Variants in DGKB observed in about 807,000 individuals in gnomAD.
DGKB encodes diacylglycerol kinase beta, also known as 90 kDa diacylglycerol kinase.
DGKB carries 67 observed loss-of-function variants against 114.3 expected under a neutral mutation model. The ratio of observed to expected loss-of-function variants is 0.59; its 90% CI spans 0.48 to 0.72. The LOEUF is 0.72. Ranked by LOEUF, DGKB falls within the 30% of genes least tolerant of loss-of-function variation. The pLI is 0.00. For missense variants in DGKB, 907 were observed against 975.2 expected, an observed-to-expected ratio of 0.93 and a Z score of 0.93; for synonymous variants, 398 against 323.1, an observed-to-expected ratio of 1.23 and a Z score of -2.49.
rs373514223 is a variant in DGKB, at chr7:14,689,740, T to C, written c.711+4335A>G. Among the ~76,000 whole-genome samples the C allele has an allele frequency of 9.8e-5, 15 of 152,324 alleles. No homozygotes were observed. The East Asian group carries it at 2.9e-3, about 29-fold the overall frequency. ...ACTGCTTTCTACATTGAGCAAAGTA[T>C]AGACAGCAGAACAAAAACTCTTAAC... On this transcript the variant is annotated intron_variant, in intron 9 of 25. Coordinates refer to ENST00000402815, the MANE Select transcript of DGKB (RefSeq NM_001350709.2).
At chr7:14,661,335 A>G (rs896354587) in intron 13 of DGKB, among the ~76,000 whole-genome samples, 1 of 146,872 alleles carries the variant, frequency 6.8e-6, no homozygotes, top group Non-Finnish European at 1.5e-5. Flanking sequence ...CAGAATCTAC[A>G]ATGAACTCAA....
At chr7:14,529,363 G>A (rs1213846702) in intron 20 of DGKB, among the ~76,000 whole-genome samples, 1 of 151,770 alleles carries the variant, frequency 6.6e-6, no homozygotes, top group Non-Finnish European at 1.5e-5. Flanking sequence ...GTTGAGCAGT[G>A]ATGCTAAAAA....
intron 21 of DGKB, among the ~76,000 whole-genome samples, chr7:14,460,067 C>G (rs1176662216): frequency 6.6e-6 from 1 of 152,082 alleles, no homozygotes; most frequent in Admixed American, 6.6e-5. Flanking sequence ...TTGTCACCAC[C>G]AGGCCTGCCT....
chr7:14,573,586 A>C (rs1448086569), intron 20 of DGKB, among the ~76,000 whole-genome samples: 1 of 152,020 alleles, frequency 6.6e-6, no homozygotes, highest in Non-Finnish European at 1.5e-5. Flanking sequence ...CTATATTTTT[A>C]GATTTCATAA....
intron 13 of DGKB, among the ~76,000 whole-genome samples, chr7:14,672,305 G>T (rs1269482132): frequency 6.6e-6 from 1 of 151,854 alleles, no homozygotes; most frequent in Non-Finnish European, 1.5e-5. Context: ...AAGTAATTTG[G>T]GTTTTGAATA....
intron 21 of DGKB, among the ~76,000 whole-genome samples, chr7:14,434,650 G>T (rs1444447793): frequency 6.6e-6 from 1 of 152,082 alleles, no homozygotes; most frequent in Non-Finnish European, 1.5e-5. Context: ...AGAACCATAA[G>T]ATAATACATT....
intron 2 of DGKB, among the ~76,000 whole-genome samples, chr7:14,771,574 CT>C (rs1341432985): frequency 6.6e-6 from 1 of 151,932 alleles, no homozygotes; most frequent in African/African-American, 2.4e-5. Context: ...TCTATGGGGT[CT>C]AGGGAATTGG....
intron 23 of DGKB, among the ~76,000 whole-genome samples, chr7:14,314,562 G>C (rs4421268): frequency 0.87 from 132,711 of 151,786 alleles, 58,365 homozygotes; most frequent in African/African-American, 0.97. Flanking sequence ...TGAAATGAAG[G>C]GAGAAGGAAA....
In DGKB at chr7:14,178,126, C is replaced by G; in HGVS notation, c.2148G>C (p.Val716=). ...SQDLSDQLLE[V]VGLEGAMEMG... is the part of the protein sequence containing the mutation. Reference sequence around the variant, plus strand: ...TCTCCATGGCTCCTTCCAAGCCGACCACCTCCAGCAGCTGGTCACTGAGAT... The same window carrying G: ...TCTCCATGGCTCCTTCCAAGCCGACGACCTCCAGCAGCTGGTCACTGAGAT... The change falls in exon 24 of 26, where the codon GTG becomes GTC. Residue 716 remains valine (V), a synonymous_variant. Coordinates refer to ENST00000402815, the MANE Select transcript of DGKB (RefSeq NM_001350709.2). 2 of 1,613,430 alleles carry G rather than the reference C, an allele frequency of 1.2e-6. No homozygotes were observed. Among genetic ancestry groups the G allele is most frequent in the Non-Finnish European group, 8.5e-7 (1 of 1,179,726 alleles).
intron 23 of DGKB, among the ~76,000 whole-genome samples, chr7:14,309,860 G>A (rs775090667): frequency 6.6e-6 from 1 of 152,212 alleles, no homozygotes; most frequent in African/African-American, 2.4e-5. Flanking sequence ...GCAGGTGCAG[G>A]AAGAGTACAC....
intron 20 of DGKB, among the ~76,000 whole-genome samples, chr7:14,561,780 G>T (rs1404942637): frequency 6.6e-6 from 1 of 152,202 alleles, no homozygotes; most frequent in Non-Finnish European, 1.5e-5. Context: ...AGGAAGCAGA[G>T]CATAAAAGTT....
intron 20 of DGKB, among the ~76,000 whole-genome samples, chr7:14,540,580 C>T (rs945149017): frequency 7.9e-5 from 12 of 152,076 alleles, no homozygotes; most frequent in African/African-American, 2.2e-4. Context: ...GTTGCTAATT[C>T]GTTTATCTGA....
rs956452374 is a variant in DGKB, at chr7:14,265,550, C to A, written c.2122+72965G>T. On this transcript the variant is annotated intron_variant, in intron 23 of 25. Coordinates refer to ENST00000402815, the MANE Select transcript of DGKB (RefSeq NM_001350709.2). ...CCTTCTGGTACTTCTTTTGGAAAAC[C>A]TTTACCCACTTCTCTAAGACCGAGT... Among the ~76,000 whole-genome samples the A allele has an allele frequency of 3.3e-5, 5 of 151,876 alleles. No individual in the cohort carries two copies. The South Asian group carries it at 6.2e-4, about 19-fold the overall frequency.
intron 23 of DGKB, among the ~76,000 whole-genome samples, chr7:14,220,310 C>T (rs1050742659): frequency 1.3e-5 from 2 of 151,462 alleles, no homozygotes; most frequent in African/African-American, 4.8e-5. Context: ...CTGTATAGCA[C>T]GAAATAAGAG....
chr7:14,597,452 A>G (rs1487582941), intron 17 of DGKB, among the ~76,000 whole-genome samples: 2 of 152,170 alleles, frequency 1.3e-5, no homozygotes, highest in Non-Finnish European at 2.9e-5. Flanking sequence ...AATTTGTATC[A>G]ATTTTATCAA....
intron 16 of DGKB, 36 bp downstream of exon 16, chr7:14,613,304 C>T (rs1805908585): frequency 7.8e-7 from 1 of 1,278,756 alleles, no homozygotes; most frequent in Non-Finnish European, 1.1e-6. Flanking sequence ...TTTACATATA[C>T]ATGACATAGA....
At chr7:14,740,352 A>C (rs1832403449) in intron 4 of DGKB, among the ~76,000 whole-genome samples, 1 of 151,752 alleles carries the variant, frequency 6.6e-6, no homozygotes, top group East Asian at 1.9e-4. Context: ...GCACCAACCT[A>C]GTAACACAGC....
At chr7:14,611,568 T>C (rs777255589) in intron 16 of DGKB, among the ~76,000 whole-genome samples, 124 of 152,070 alleles carry the variant, frequency 8.2e-4, no homozygotes, top group Admixed American at 4.5e-3. Context: ...TTAAAACATA[T>C]TTACATTTCA....
chr7:14,553,552 T>A (rs1170409652), intron 20 of DGKB, among the ~76,000 whole-genome samples: 4 of 152,124 alleles, frequency 2.6e-5, no homozygotes, highest in Admixed American at 2.6e-4. Flanking sequence ...TCTAAGCAAA[T>A]AAAACCACAT....
Sources: gnomAD v4.1 joint callset for allele counts (sites outside exome capture counted in the v4.1 genomes callset) on GRCh38, gnomAD v4.1.1 for gene constraint, MANE v1.5 for transcripts, NCBI Gene and HGNC (gene_info 2026-07-23, HGNC 2026-07-21) for gene names.